The following DENND1B variants were observed in gnomAD, a reference collection of about 807,000 sequenced individuals.
DENND1B encodes DENN domain containing 1B.
Under a neutral mutation model 90.1 loss-of-function variants are expected in DENND1B, and 59 were observed. That is an observed-to-expected ratio of 0.65 (90% CI 0.53 to 0.81). DENND1B has a LOEUF of 0.81. Among genes scored for constraint, DENND1B ranks in the 40% least tolerant of loss-of-function variants. The pLI, the probability that DENND1B is intolerant of heterozygous loss-of-function variation, is 0.00. For missense variants in DENND1B, 862 were observed against 912.6 expected (o/e 0.94, Z 0.71); for synonymous variants, 337 against 324.6 (o/e 1.04, Z -0.41).
intron 15 of DENND1B, among the ~76,000 whole-genome samples, chr1:197,560,717 A>G (rs1239097150): frequency 1.3e-5 from 2 of 151,834 alleles, no homozygotes; most frequent in African/African-American, 4.8e-5. Flanking sequence ...CAAAATTTAT[A>G]AACCTCAACC....
intron 6 of DENND1B, among the ~76,000 whole-genome samples, chr1:197,657,004 G>A (rs768274448): frequency 7.2e-5 from 11 of 151,988 alleles, no homozygotes; most frequent in Non-Finnish European, 1.6e-4. Context: ...ACTGGATTTG[G>A]AAAAGATTTC....
chr1:197,722,285 C>CT (rs982545528), intron 2 of DENND1B, among the ~76,000 whole-genome samples: 1 of 151,190 alleles, frequency 6.6e-6, no homozygotes, highest in Non-Finnish European at 1.5e-5. Flanking sequence ...ATTAAATATT[C>CT]TTTTTTTTTA....
At chr1:197,582,904 T>G (rs2884629) in intron 15 of DENND1B, among the ~76,000 whole-genome samples, 40,283 of 152,066 alleles carry the variant, frequency 0.26, 5,928 homozygotes, top group Middle Eastern at 0.43. Context: ...CTTCTGTGAA[T>G]GTATATTCTT....
At chr1:197,546,123 ATGTTCAG>A (rs11276673) in intron 17 of DENND1B, 133 bp from the exon 18 acceptor site, 557,317 of 557,338 alleles carry the variant, frequency 1, 278,648 homozygotes, top group Middle Eastern at 1. Flanking sequence ...AAATTATTTC[ATGTTCAG>A]TGTTCAGTGT....
intron 2 of DENND1B, chr1:197,734,186 C>T (rs1356010317): frequency 2.3e-6 from 2 of 877,456 alleles, no homozygotes; most frequent in African/African-American, 3.6e-5. Context: ...AAACAGTAAA[C>T]TAAAAAGTAG....
At chr1:197,698,482 C>T (rs185725912) in intron 3 of DENND1B, among the ~76,000 whole-genome samples, 7 of 151,664 alleles carry the variant, frequency 4.6e-5, no homozygotes, top group African/African-American at 1.7e-4. Context: ...AAATTGATGC[C>T]CTAACATCAC....
chr1:197,603,746 T>A (rs1377760154), intron 13 of DENND1B, among the ~76,000 whole-genome samples: 1 of 151,236 alleles, frequency 6.6e-6, no homozygotes, highest in East Asian at 1.9e-4. Context: ...AATTGCTTTT[T>A]TAAAACGTTA....
At chr1:197,588,504 C>T (rs895451745) in intron 14 of DENND1B, among the ~76,000 whole-genome samples, 2 of 152,018 alleles carry the variant, frequency 1.3e-5, no homozygotes, top group African/African-American at 2.4e-5. Context: ...GAAATATAAT[C>T]CAAAACATCA....
chr1:197,510,416 G>T lies in DENND1B; in HGVS notation c.*44C>A. The T allele has an allele frequency of 1.3e-6, 2 of 1,537,240 alleles. No homozygotes were observed. Among genetic ancestry groups the T allele is most frequent in the Non-Finnish European group, 1.7e-6 (2 of 1,143,040 alleles). On this transcript the variant is annotated 3_prime_UTR_variant, in exon 23 of 23. Transcript: ENST00000620048. The stretch of plus-strand genomic sequence containing the variant: ...AATAATTCTGTTTATTATACAGATT[G>T]CATTGAATCTCAAAATGTCTCCATA...
intron 15 of DENND1B, among the ~76,000 whole-genome samples, chr1:197,562,969 A>C (rs1039182369): frequency 1.1e-4 from 16 of 152,076 alleles, no homozygotes; most frequent in African/African-American, 3.6e-4. Context: ...GCCAAAGACT[A>C]ATCCAGAGCA....
In DENND1B at chr1:197,551,078, A is replaced by AAC. The variant is rs760567251; in HGVS notation, c.1240+1942_1240+1943dup. On this transcript the variant is annotated intron_variant, in intron 16 of 22. Transcript: ENST00000620048. ...ACTGACCTCTAGGAACCATTTTATAAACACACACACACACACACACACACA... is the reference window on the plus strand; with the variant it reads ...ACTGACCTCTAGGAACCATTTTATAAACACACACACACACACACACACACACA... Among the ~76,000 whole-genome samples, 499 of 87,608 alleles carry AAC rather than the reference A, an allele frequency of 5.7e-3. 2 individuals are homozygous for AAC. The highest frequency in any genetic ancestry group is 0.016 in the African/African-American group (377 of 24,132). The allele number at this position is 87,608 out of a possible 152,430, so 57.5% of individuals were successfully genotyped here. A position where few individuals can be genotyped will look rare whatever the true frequency, so the allele number is the denominator to read the frequency against.
chr1:197,578,892 G>C (rs1246660313), intron 15 of DENND1B, among the ~76,000 whole-genome samples: 1 of 151,442 alleles, frequency 6.6e-6, no homozygotes, highest in Non-Finnish European at 1.5e-5. Context: ...GCCTCACATA[G>C]TAGCTAGAAC....
chr1:197,667,331 T>C (rs1356273690), intron 5 of DENND1B, among the ~76,000 whole-genome samples: 1 of 152,176 alleles, frequency 6.6e-6, no homozygotes, highest in Non-Finnish European at 1.5e-5. Flanking sequence ...GGCTCAAAGA[T>C]TGTAAAGCCA....
At chr1:197,724,722 T>C (rs2102288500) in intron 2 of DENND1B, among the ~76,000 whole-genome samples, 1 of 152,198 alleles carries the variant, frequency 6.6e-6, no homozygotes, top group African/African-American at 2.4e-5. Context: ...CAGCATATAT[T>C]GTAAGGATAT....
At position 197,615,337 on chromosome 1, in the gene DENND1B, T is replaced by C. The variant is rs147688383; in HGVS notation, c.773+2322A>G. Reference sequence around the variant, plus strand: ...GCTTTATTGGTGGACCAAGATGCGATATCCATCCATGGTCACAAGATGGCA... The same window carrying C: ...GCTTTATTGGTGGACCAAGATGCGACATCCATCCATGGTCACAAGATGGCA... On this transcript the variant is annotated intron_variant, in intron 11 of 22. Transcript: ENST00000620048. Among the ~76,000 whole-genome samples, 265 of 151,188 alleles carry C rather than the reference T, an allele frequency of 1.8e-3. 2 individuals are homozygous for C. The highest frequency in any genetic ancestry group is 0.01 in the Middle Eastern group (3 of 294).
intron 15 of DENND1B, among the ~76,000 whole-genome samples, chr1:197,554,172 C>A (rs893841356): frequency 1.3e-5 from 2 of 149,582 alleles, no homozygotes; most frequent in Non-Finnish European, 3.0e-5. Context: ...CACTTGGTTA[C>A]CTTTTATTTT....
At chr1:197,698,403 T>C (rs1395242498) in intron 3 of DENND1B, among the ~76,000 whole-genome samples, 1 of 151,878 alleles carries the variant, frequency 6.6e-6, no homozygotes, top group African/African-American at 2.4e-5. Context: ...CTCTGGTACA[T>C]AGCGAAAGCA....
At chr1:197,717,843 C>A (rs377553973) in intron 2 of DENND1B, among the ~76,000 whole-genome samples, 3 of 151,980 alleles carry the variant, frequency 2.0e-5, no homozygotes, top group African/African-American at 7.2e-5. Context: ...AGTAAAAGAG[C>A]TCCAATTTGC....
chr1:197,781,394 T>C, the DENND1B span, among the ~76,000 whole-genome samples: 1 of 152,218 alleles, frequency 6.6e-6, no homozygotes. Flanking sequence ...TCATTTATTA[T>C]AGAAGAAAAG....
Sources: gnomAD v4.1 joint callset for allele counts (sites outside exome capture counted in the v4.1 genomes callset) on GRCh38, gnomAD v4.1.1 for gene constraint, MANE v1.5 for transcripts, NCBI Gene and HGNC (gene_info 2026-07-23, HGNC 2026-07-21) for gene names.